CATSPERE: variants seen among roughly 807,000 people sequenced by gnomAD.
CATSPERE encodes cation channel sperm-associated auxiliary subunit epsilon.
In CATSPERE, 93 loss-of-function variants were observed where a neutral mutation model predicts 114.1. The observed-to-expected ratio is 0.81, with a 90% CI of 0.69 to 0.97. The LOEUF (loss-of-function observed/expected upper bound fraction) is 0.97, where lower values mean the gene tolerates loss of function less well. Ranked by LOEUF, CATSPERE falls within the 50% of genes least tolerant of loss-of-function variation. The pLI, the probability that CATSPERE is intolerant of heterozygous loss-of-function variation, is 0.00. For synonymous variants in CATSPERE, 341 were observed against 384.1 expected (o/e 0.89, Z 1.31); for missense variants, 1,058 against 1,131.6 (o/e 0.93, Z 0.93).
intron 5 of CATSPERE, among the ~76,000 whole-genome samples, chr1:244,490,176 G>C (rs563428488): frequency 5.3e-5 from 8 of 152,046 alleles, no homozygotes; most frequent in Admixed American, 6.6e-5. Flanking sequence ...TAATCTTAGC[G>C]TGAGCGGTTT....
chr1:244,605,183 C>G (rs1156949147), intron 17 of CATSPERE, among the ~76,000 whole-genome samples: 1 of 152,194 alleles, frequency 6.6e-6, no homozygotes, highest in East Asian at 1.9e-4. Flanking sequence ...GTTTCATTCT[C>G]TAGTACATCT....
intron 20 of CATSPERE, among the ~76,000 whole-genome samples, chr1:244,621,975 G>A (rs896632377): frequency 2.0e-5 from 3 of 152,144 alleles, no homozygotes; most frequent in South Asian, 4.1e-4. Context: ...GTCATTAACC[G>A]TAAATAATCA....
intron 8 of CATSPERE, among the ~76,000 whole-genome samples, chr1:244,520,191 G>A (rs945726079): frequency 2.0e-5 from 3 of 147,920 alleles, no homozygotes; most frequent in African/African-American, 5.3e-5. Flanking sequence ...TTTGGGTGCC[G>A]TATCAAGGAA....
intron 10 of CATSPERE, among the ~76,000 whole-genome samples, chr1:244,562,153 C>CAAAAAAAA (rs11313998): frequency 5.7e-5 from 4 of 70,158 alleles, no homozygotes; most frequent in African/African-American, 1.0e-4. Context: ...GATCCTGTCT[C>CAAAAAAAA]AAAAAAAAAA....
At chr1:244,535,141 G>T (rs1680183545) in intron 8 of CATSPERE, among the ~76,000 whole-genome samples, 2 of 152,200 alleles carry the variant, frequency 1.3e-5, no homozygotes, top group African/African-American at 4.8e-5. Context: ...GTGCTGAGCT[G>T]CCTGGAGCTG....
chr1:244,621,133 A>ATATAT (rs1672170857), intron 20 of CATSPERE, among the ~76,000 whole-genome samples: 1 of 34,452 alleles, frequency 2.9e-5, no homozygotes, highest in African/African-American at 8.9e-5. Flanking sequence ...ATATAAATAT[A>ATATAT]TATAAAATAT....
chr1:244,548,518 A>T (rs1660112304), intron 8 of CATSPERE, among the ~76,000 whole-genome samples: 1 of 152,036 alleles, frequency 6.6e-6, no homozygotes. Flanking sequence ...CTTACTTTGG[A>T]TATGAATTTG....
In CATSPERE at chr1:244,568,708, G is replaced by A. The variant is rs577438394; in HGVS notation, c.1508-3622G>A. ...GCTCCTACCCCCACCAAGTTCGGGTGTCCCAGGTCACTTCAGACTGCTGTG... is the reference window on the plus strand; with the variant it reads ...GCTCCTACCCCCACCAAGTTCGGGTATCCCAGGTCACTTCAGACTGCTGTG... On this transcript the variant is annotated intron_variant, in intron 10 of 21. Coordinates refer to ENST00000366534, the MANE Select transcript of CATSPERE (RefSeq NM_001130957.2). The surrounding 1 kb of genome is among the most constrained non-coding windows in gnomAD (Gnocchi z 4.4). Among the ~76,000 whole-genome samples the A allele has an allele frequency of 5.4e-4, 82 of 152,310 alleles. No individual in the cohort carries two copies. Among genetic ancestry groups the A allele is most frequent in the African/African-American group, 1.9e-3 (78 of 41,566 alleles).
intron 8 of CATSPERE, among the ~76,000 whole-genome samples, chr1:244,532,586 C>T (rs1679781466): frequency 6.6e-6 from 1 of 151,986 alleles, no homozygotes. Flanking sequence ...AATTGCCTGC[C>T]CTTCAATTCC....
At chr1:244,572,924 T>C in intron 11 of CATSPERE, 152 bp downstream of exon 11, 1 of 604,652 alleles carries the variant, frequency 1.7e-6, no homozygotes, top group Non-Finnish European at 2.6e-6. Flanking sequence ...AATAAGCCAT[T>C]CATTCCCAAG....
intron 8 of CATSPERE, among the ~76,000 whole-genome samples, chr1:244,535,926 G>A (rs1201600047): frequency 6.6e-6 from 1 of 152,000 alleles, no homozygotes; most frequent in African/African-American, 2.4e-5. Flanking sequence ...ATGCCATGGT[G>A]TGTACTGCTT....
intron 14 of CATSPERE, 98 bp from the exon 15 acceptor site, chr1:244,591,583 C>A: frequency 1.5e-6 from 1 of 666,412 alleles, no homozygotes; most frequent in Non-Finnish European, 2.6e-6. Flanking sequence ...GATTCTCTGA[C>A]ACTCTCCTGT....
intron 21 of CATSPERE, among the ~76,000 whole-genome samples, chr1:244,638,009 A>T (rs572311649): frequency 6.6e-6 from 1 of 152,316 alleles, no homozygotes; most frequent in South Asian, 2.1e-4. Flanking sequence ...TGCTTTGCAC[A>T]CTATCTGTTC....
At chr1:244,597,533 TC>T in intron 17 of CATSPERE, among the ~76,000 whole-genome samples, 1 of 59,066 alleles carries the variant, frequency 1.7e-5, no homozygotes, top group South Asian at 7.5e-4. Context: ...CTCCCTGATT[TC>T]TTTTTTTTTT....
At chr1:244,525,100 C>A (rs1269636501) in intron 8 of CATSPERE, among the ~76,000 whole-genome samples, 1 of 148,220 alleles carries the variant, frequency 6.7e-6, no homozygotes, top group Non-Finnish European at 1.5e-5. Flanking sequence ...AAATGTCCAA[C>A]AATGATAGAC....
chr1:244,572,563 G>T lies in CATSPERE; in HGVS notation c.1741G>T (p.Asp581Tyr). The change falls in exon 11 of 22, where the codon GAC (aspartate) becomes TAC (tyrosine). Residue 581 changes from aspartate to tyrosine, a missense_variant. Physicochemically the swap from Asp to Tyr is radical, Grantham distance 160. Coordinates refer to ENST00000366534, the MANE Select transcript of CATSPERE (RefSeq NM_001130957.2). The part of the protein sequence containing the change: ...EAQSIAFTTK[D>Y]KCPYMAFHNN... ...ACAAAGTATAGCTTTCACAACAAAA[G>T]ACAAATGCCCATACATGGCATTTCA... is the stretch of plus-strand genomic sequence containing the variant. 1 of 1,614,000 alleles carries T rather than the reference G, an allele frequency of 6.2e-7. No individual in the cohort carries two copies. The highest frequency in any genetic ancestry group is 1.1e-5 in the South Asian group (1 of 91,070).
At chr1:244,602,825 T>C (rs549113313) in intron 17 of CATSPERE, among the ~76,000 whole-genome samples, 7 of 152,130 alleles carry the variant, frequency 4.6e-5, no homozygotes, top group Admixed American at 2.6e-4. Flanking sequence ...CGGTAAGATA[T>C]ACAGACGCGG....
chr1:244,454,821 C>A (rs1053189927), intron 1 of CATSPERE, among the ~76,000 whole-genome samples: 1 of 152,032 alleles, frequency 6.6e-6, no homozygotes, highest in Non-Finnish European at 1.5e-5. Flanking sequence ...CAGGATAGAA[C>A]GTGGGTTTAG....
chr1:244,500,238 A>G (rs1673815791), intron 7 of CATSPERE, among the ~76,000 whole-genome samples: 2 of 151,994 alleles, frequency 1.3e-5, no homozygotes, highest in South Asian at 4.2e-4. Flanking sequence ...TAGATTCTGG[A>G]TATTAGACTT....
Sources: allele counts gnomAD v4.1 joint callset (sites outside exome capture counted in the v4.1 genomes callset), GRCh38; gene constraint gnomAD v4.1.1; non-coding constraint Gnocchi (gnomAD v3.1); transcripts MANE v1.5; gene names NCBI Gene and HGNC (gene_info 2026-07-23, HGNC 2026-07-21).